TMEM156: variants seen among roughly 807,000 people sequenced by gnomAD.
The protein encoded by TMEM156 is transmembrane protein 156.
In TMEM156, 28 loss-of-function variants were observed where a neutral mutation model predicts 30.5. The observed-to-expected ratio is 0.92, with a 90% CI of 0.68 to 1.26. The LOEUF (loss-of-function observed/expected upper bound fraction) is 1.26. Among genes scored for constraint, TMEM156 ranks in the 50% most tolerant of loss-of-function variants. TMEM156 has a pLI of 0.00. For synonymous variants in TMEM156, 137 were observed against 119.9 expected (o/e 1.14, Z -0.93); for missense variants, 351 against 340.6 (o/e 1.03, Z -0.24).
intron 1 of TMEM156, among the ~76,000 whole-genome samples, chr4:39,026,306 G>A (rs1715199629): frequency 6.6e-6 from 1 of 151,774 alleles, no homozygotes; most frequent in African/African-American, 2.4e-5. Flanking sequence ...TTGAACCCAG[G>A]AATTGGAGTC....
At chr4:38,986,807 C>CAAAAAAAAAAAAAAAAA (rs59087758) in intron 4 of TMEM156, among the ~76,000 whole-genome samples, 1 of 23,746 alleles carries the variant, frequency 4.2e-5, no homozygotes, top group Non-Finnish European at 8.2e-5. Flanking sequence ...GACTCCATCT[C>CAAAAAAAAAAAAAAAAA]AAAAAAAAAA....
chr4:38,984,916 C>G (rs1711867537), intron 5 of TMEM156, among the ~76,000 whole-genome samples: 1 of 152,140 alleles, frequency 6.6e-6, no homozygotes, highest in South Asian at 2.1e-4. Context: ...AAGTCACAGG[C>G]TCATAAATAC....
intron 5 of TMEM156, among the ~76,000 whole-genome samples, chr4:38,984,119 C>T (rs1711779779): frequency 6.6e-6 from 1 of 152,130 alleles, no homozygotes. Context: ...ATATTAGAGA[C>T]ACATAAAAGA....
intron 1 of TMEM156, among the ~76,000 whole-genome samples, chr4:39,031,898 T>C (rs57819604): frequency 6.2e-5 from 2 of 32,494 alleles, no homozygotes; most frequent in Non-Finnish European, 1.2e-4. Flanking sequence ...AAATAAAAAA[T>C]AAAAAAATAA....
intron 5 of TMEM156, among the ~76,000 whole-genome samples, chr4:38,980,674 A>T (rs185709421): frequency 1.7e-3 from 261 of 152,340 alleles, no homozygotes; most frequent in Middle Eastern, 3.4e-3. Context: ...GAGGGTGTGT[A>T]ATAAGGAGAA....
intron 4 of TMEM156, among the ~76,000 whole-genome samples, chr4:38,987,236 C>T (rs1284269515): frequency 1.3e-5 from 2 of 152,188 alleles, no homozygotes; most frequent in Non-Finnish European, 2.9e-5. Context: ...AAATACCCTA[C>T]ATCTTAGTTC....
intron 1 of TMEM156, among the ~76,000 whole-genome samples, chr4:39,023,214 A>C (rs912023918): frequency 6.6e-6 from 1 of 152,232 alleles, no homozygotes; most frequent in African/African-American, 2.4e-5. Context: ...ATGCTGGCAT[A>C]CTGGTCTTGG....
chr4:38,981,001 A>C, intron 5 of TMEM156: 1 of 962,128 alleles, frequency 1.0e-6, no homozygotes, highest in Non-Finnish European at 1.2e-6. Context: ...CTTCCTGCAA[A>C]AAGAATCATC....
At chr4:39,025,182 C>G (rs1215286215) in intron 1 of TMEM156, among the ~76,000 whole-genome samples, 1 of 151,748 alleles carries the variant, frequency 6.6e-6, no homozygotes, top group Non-Finnish European at 1.5e-5. Context: ...AACCCTGTCT[C>G]TACTAAAAAT....
At chr4:39,008,835 C>G (rs866724388) in intron 1 of TMEM156, among the ~76,000 whole-genome samples, 1 of 152,044 alleles carries the variant, frequency 6.6e-6, no homozygotes, top group Admixed American at 6.6e-5. Context: ...ACAACCTAAG[C>G]ATACACCTAG....
In TMEM156 at chr4:38,998,640, C is replaced by T. The variant is rs755612759; in HGVS notation, c.358G>A (p.Val120Ile). 11 of 1,607,186 alleles carry T rather than the reference C, an allele frequency of 6.8e-6. No individual in the cohort carries two copies. Among genetic ancestry groups the T allele is most frequent in the Non-Finnish European group, 9.4e-6 (11 of 1,176,314 alleles). Residue 120 changes from valine (V) to isoleucine (I), a missense_variant and splice_region_variant, in exon 2 of 7, where the codon GTT becomes ATT. Transcript: ENST00000381938. ...DFISQEQTSK[V>I]LIRRGSMEVK... is the part of the protein sequence containing the mutation. ...ATTCTCACCTTCACTTTGTGTTTAC[C>T]TTTTGATGTTTGTTCCTGAGAAATA...
chr4:39,003,087 G>A (rs1291755061), intron 1 of TMEM156, among the ~76,000 whole-genome samples: 1 of 151,884 alleles, frequency 6.6e-6, no homozygotes, highest in Admixed American at 6.6e-5. Flanking sequence ...CATATACCTT[G>A]CTTCAAACTT....
intron 2 of TMEM156, among the ~76,000 whole-genome samples, chr4:38,997,535 C>CA (rs1713017967): frequency 1.3e-5 from 2 of 151,776 alleles, no homozygotes; most frequent in Admixed American, 1.3e-4. Flanking sequence ...CAAAGAATGC[C>CA]AAAAAAATAA....
chr4:39,022,583 T>C (rs1714941680), intron 1 of TMEM156, among the ~76,000 whole-genome samples: 1 of 152,246 alleles, frequency 6.6e-6, no homozygotes, highest in South Asian at 2.1e-4. Context: ...TTATTTCACA[T>C]TTTTAGATAT....
chr4:39,024,737 T>A (rs1715090182), intron 1 of TMEM156, among the ~76,000 whole-genome samples: 1 of 152,228 alleles, frequency 6.6e-6, no homozygotes. Flanking sequence ...AATACCTAGA[T>A]GATGAAATCA....
chr4:38,983,413 T>C (rs1389380085), intron 5 of TMEM156, among the ~76,000 whole-genome samples: 3 of 152,214 alleles, frequency 2.0e-5, no homozygotes, highest in East Asian at 1.9e-4. Context: ...AGTTACTTTT[T>C]TTTGAGACAC....
chr4:39,013,728 T>A (rs1316776678), intron 1 of TMEM156, among the ~76,000 whole-genome samples: 3 of 152,020 alleles, frequency 2.0e-5, no homozygotes, highest in Non-Finnish European at 2.9e-5. Context: ...CAGACAAAAG[T>A]GTGTATTTAA....
rs372478147 is a variant in TMEM156 at position 38,999,021 on chromosome 4, A to G, written c.89-112T>C. The G allele has an allele frequency of 2.2e-5, 17 of 770,028 alleles. No homozygotes were observed. In the East Asian group the frequency reaches 3.1e-4, roughly 14 times the overall value. 47.7% of individuals were successfully genotyped at this position (770,028 alleles called of 1,614,324 possible). A position where few individuals can be genotyped will look rare whatever the true frequency, so the allele number is the denominator to read the frequency against. ...TTCTTAGGTGGATTCAGTACATTTC[A>G]GCTTATCAGAGACAAGACTGTTTTT... On this transcript the variant is annotated intron_variant, in intron 1 of 6. Coordinates refer to ENST00000381938, the MANE Select transcript of TMEM156 (RefSeq NM_024943.3).
Position 38,972,177 on chromosome 4 carries a change from T to C in TMEM156, c.824-1040A>G, listed in dbSNP as rs577788961. On this transcript the variant is annotated intron_variant, in intron 5 of 6. Transcript: ENST00000381938. ...GGAGATTTAGTGTATTCAAGAAAAT[T>C]ATGCTTCTTGTCCATGAAGATGATC... Among the ~76,000 whole-genome samples the C allele has an allele frequency of 2.6e-5, 4 of 151,484 alleles. No homozygotes were observed. In the South Asian group the frequency reaches 8.4e-4, roughly 32 times the overall value.
Sources: gnomAD v4.1 joint callset for allele counts (sites outside exome capture counted in the v4.1 genomes callset) on GRCh38, gnomAD v4.1.1 for gene constraint, MANE v1.5 for transcripts, NCBI Gene and HGNC (gene_info 2026-07-23, HGNC 2026-07-21) for gene names.